TACR3: variants seen among roughly 807,000 people sequenced by gnomAD.
TACR3 encodes the protein neuromedin-K receptor.
In TACR3, 34 loss-of-function variants were observed where a neutral mutation model predicts 35.0. The ratio of observed to expected loss-of-function variants is 0.97; its 90% CI spans 0.74 to 1.30. TACR3 has a LOEUF of 1.30. Among genes scored for constraint, TACR3 ranks in the 50% most tolerant of loss-of-function variants. The pLI is 0.00. For synonymous variants in TACR3, 233 were observed against 221.1 expected (o/e 1.05, Z -0.48); for missense variants, 558 against 591.7 (o/e 0.94, Z 0.59).
intron 3 of TACR3, among the ~76,000 whole-genome samples, chr4:103,618,560 TG>T (rs1724707450): frequency 2.2e-5 from 3 of 139,178 alleles, no homozygotes; most frequent in Non-Finnish European, 4.6e-5. Context: ...TTTGGTGACT[TG>T]GGCTTTTTTT....
At chr4:103,675,146 G>A (rs1462607056) in intron 1 of TACR3, among the ~76,000 whole-genome samples, 1 of 151,978 alleles carries the variant, frequency 6.6e-6, no homozygotes, top group Admixed American at 6.6e-5. Context: ...GAAGTCTTAT[G>A]CATCCAATTT....
At position 103,605,965 on chromosome 4, in the gene TACR3, G is replaced by A. The variant is rs1160134322; in HGVS notation, c.889-14282C>T. Among the ~76,000 whole-genome samples, 1,116 of 150,528 alleles carry A rather than the reference G, an allele frequency of 7.4e-3. 14 individuals are homozygous for A. Among genetic ancestry groups the A allele is most frequent in the African/African-American group, 0.026 (1,027 of 39,968 alleles). On this transcript the variant is annotated intron_variant, in intron 3 of 4. Transcript: ENST00000304883. ...GGGTTTTTATGGTTTTAGGTCGTAC[G>A]TTTAAGTCTTTAATCCATCTTGAAT...
At chr4:103,679,565 A>G (rs1023688890) in intron 1 of TACR3, among the ~76,000 whole-genome samples, 1 of 152,012 alleles carries the variant, frequency 6.6e-6, no homozygotes, top group Non-Finnish European at 1.5e-5. Flanking sequence ...AGACATCTCA[A>G]TAACAACCCT....
intron 1 of TACR3, among the ~76,000 whole-genome samples, chr4:103,677,913 T>C (rs1726206312): frequency 6.6e-6 from 1 of 150,544 alleles, no homozygotes; most frequent in Admixed American, 6.6e-5. Context: ...TCTTAGGTAG[T>C]TGTGAGTGGC....
chr4:103,639,924 C>G (rs1725313934), intron 3 of TACR3, among the ~76,000 whole-genome samples: 1 of 151,894 alleles, frequency 6.6e-6, no homozygotes, highest in Admixed American at 6.6e-5. Context: ...TCAATGCTAG[C>G]TGTGTTTCTA....
chr4:103,713,953 T>C (rs1025585492), intron 1 of TACR3, among the ~76,000 whole-genome samples: 4 of 152,130 alleles, frequency 2.6e-5, no homozygotes, highest in Non-Finnish European at 5.9e-5. Context: ...GACTGAAATG[T>C]CCACTGGATT....
At chr4:103,670,553 G>GTATTT (rs1726036210) in intron 1 of TACR3, among the ~76,000 whole-genome samples, 1 of 151,746 alleles carries the variant, frequency 6.6e-6, no homozygotes, top group Non-Finnish European at 1.5e-5. Context: ...TTATTCCTGG[G>GTATTT]TATTTTATTT....
chr4:103,649,905 TTGTC>T (rs1352300888), intron 3 of TACR3, among the ~76,000 whole-genome samples: 2 of 152,136 alleles, frequency 1.3e-5, no homozygotes, highest in East Asian at 1.9e-4. Context: ...TCATGGATGT[TTGTC>T]TGTGTCTGGG....
intron 3 of TACR3, among the ~76,000 whole-genome samples, chr4:103,603,519 G>A (rs904266923): frequency 3.3e-5 from 5 of 152,016 alleles, no homozygotes; most frequent in South Asian, 2.1e-4. Context: ...TTTTTATGGC[G>A]GCATAGTATT....
chr4:103,702,683 A>T (rs1722684188), intron 1 of TACR3, among the ~76,000 whole-genome samples: 1 of 152,126 alleles, frequency 6.6e-6, no homozygotes, highest in South Asian at 2.1e-4. Flanking sequence ...TGGATTAAGA[A>T]AATGTGGCAC....
chr4:103,700,713 G>C (rs903313614), intron 1 of TACR3, among the ~76,000 whole-genome samples: 1 of 152,028 alleles, frequency 6.6e-6, no homozygotes, highest in Non-Finnish European at 1.5e-5. Flanking sequence ...AGATCAAGTG[G>C]GCTTCATCCC....
At chr4:103,637,341 G>A (rs142357049) in intron 3 of TACR3, among the ~76,000 whole-genome samples, 55,093 of 151,888 alleles carry the variant, frequency 0.36, 10,606 homozygotes, top group African/African-American at 0.5. Context: ...CAAAAACCAC[G>A]TGATTATCTC....
rs1392117776 is a variant in TACR3, at chr4:103,650,723, A to T, written c.888+5471T>A. The stretch of plus-strand genomic sequence containing the variant: ...TTTATATATATAAATATATATAAAT[A>T]AATATATATTATATCATATATAATA... On this transcript the variant is annotated intron_variant, in intron 3 of 4. Transcript: ENST00000304883. 9.8e-4 allele frequency among the ~76,000 whole-genome samples: 55 copies of T among 56,240 alleles called. 2 individuals are homozygous for T. The highest frequency in any genetic ancestry group is 1.3e-3 in the Non-Finnish European group (50 of 38,044). 36.9% of individuals were successfully genotyped at this position (56,240 alleles called of 152,430 possible).
intron 3 of TACR3, among the ~76,000 whole-genome samples, chr4:103,608,302 C>A (rs921506430): frequency 3.9e-5 from 6 of 152,034 alleles, no homozygotes; most frequent in South Asian, 4.2e-4. Context: ...GAATTAAAAC[C>A]GAAATAGAAA....
intron 3 of TACR3, among the ~76,000 whole-genome samples, chr4:103,599,647 G>C (rs933331356): frequency 2.0e-5 from 3 of 152,132 alleles, no homozygotes; most frequent in Non-Finnish European, 4.4e-5. Context: ...CTAATTTATT[G>C]AGATTTTTTA....
chr4:103,641,861 T>C (rs1328114088), intron 3 of TACR3, among the ~76,000 whole-genome samples: 5 of 151,848 alleles, frequency 3.3e-5, no homozygotes, highest in Non-Finnish European at 7.4e-5. Context: ...TGCTAAGTTA[T>C]ATAAGCCAGG....
intron 3 of TACR3, among the ~76,000 whole-genome samples, chr4:103,592,906 G>C (rs1723925569): frequency 6.6e-6 from 1 of 152,116 alleles, no homozygotes; most frequent in South Asian, 2.1e-4. Flanking sequence ...CCAAATCACT[G>C]TACCATCCAG....
chr4:103,683,369 T>C (rs1722144698), intron 1 of TACR3, among the ~76,000 whole-genome samples: 1 of 143,950 alleles, frequency 6.9e-6, no homozygotes, highest in Admixed American at 7.2e-5. Flanking sequence ...AGGAAATCAA[T>C]ACAAGTCAAA....
intron 3 of TACR3, among the ~76,000 whole-genome samples, chr4:103,598,398 T>G (rs1375191423): frequency 1.3e-5 from 2 of 152,242 alleles, no homozygotes; most frequent in African/African-American, 4.8e-5. Flanking sequence ...TCCCATTCTG[T>G]AGGTTGCCTG....
Sources: gnomAD v4.1 joint callset for allele counts (sites outside exome capture counted in the v4.1 genomes callset) on GRCh38, gnomAD v4.1.1 for gene constraint, MANE v1.5 for transcripts, NCBI Gene and HGNC (gene_info 2026-07-23, HGNC 2026-07-21) for gene names.